GMPS: variants seen among roughly 807,000 people sequenced by gnomAD.
The protein encoded by GMPS is GMP synthase [glutamine-hydrolyzing].
Under a neutral mutation model 77.9 loss-of-function variants are expected in GMPS, and 15 were observed. The observed-to-expected ratio is 0.19, with a 90% CI of 0.13 to 0.30. GMPS has a LOEUF of 0.30. GMPS is among the 10% of genes least tolerant of loss of function. GMPS has a pLI of 1.00. For synonymous variants in GMPS, 224 were observed against 275.9 expected (o/e 0.81, Z 1.86); for missense variants, 590 against 838.8 (o/e 0.70, Z 3.66).
Position 155,870,865 on chromosome 3 carries a change from G to A in GMPS, c.-6G>A, listed in dbSNP as rs1369849732. The A allele has an allele frequency of 2.0e-6, 3 of 1,505,498 alleles. No homozygotes were observed. Among genetic ancestry groups the A allele is most frequent in the Non-Finnish European group, 2.7e-6 (3 of 1,130,370 alleles). The allele number at this position is 1,505,498 out of a possible 1,614,324, so 93.3% of individuals were successfully genotyped here. A position where few individuals can be genotyped will look rare whatever the true frequency, so the allele number is the denominator to read the frequency against. The stretch of plus-strand genomic sequence containing the variant: ...CGTCACCGCCGCGGCTCCGGCCCTG[G>A]CCCCGATGGCTCTGTGCAACGGAGA... On this transcript the variant is annotated 5_prime_UTR_variant, in exon 1 of 16. Coordinates refer to ENST00000496455, the MANE Select transcript of GMPS (RefSeq NM_003875.3).
upstream of GMPS, chr3:155,870,612 C>T: frequency 2.2e-6 from 1 of 454,358 alleles, no homozygotes; most frequent in Non-Finnish European, 3.9e-6. Flanking sequence ...TCTGGCTCCT[C>T]CCAGTGGCCG....
chr3:155,925,296 A>AGCTGATGCAAATTACCAGTCT lies in GMPS; in HGVS notation c.1493_1513dup (p.Leu498_Leu504dup). 6.2e-7 allele frequency: 1 copy of AGCTGATGCAAATTACCAGTCT among 1,611,580 alleles called. No homozygotes were observed. The highest frequency in any genetic ancestry group is 8.5e-7 in the Non-Finnish European group (1 of 1,177,660). ...TGCACAACAGAAGAGGATCAGGAGA[A>AGCTGATGCAAATTACCAGTCT]GCTGATGCAAATTACCAGTCTGCAT... is the stretch of plus-strand genomic sequence containing the variant. On this transcript the variant is annotated inframe_insertion, in exon 12 of 16. Transcript: ENST00000496455.
At chr3:155,899,071 A>C (rs1754669293) in intron 3 of GMPS, among the ~76,000 whole-genome samples, 1 of 151,412 alleles carries the variant, frequency 6.6e-6, no homozygotes, top group Admixed American at 6.6e-5. Flanking sequence ...TCTCTATTAA[A>C]AATAACAAAA....
chr3:155,914,229 A>C (rs1030648134), intron 7 of GMPS, among the ~76,000 whole-genome samples, 190 bp from the exon 8 acceptor site: 9 of 152,154 alleles, frequency 5.9e-5, no homozygotes, highest in Non-Finnish European at 1.2e-4. Flanking sequence ...TATAGGCATG[A>C]GCCACCGGGC....
chr3:155,903,306 C>T (rs1022587678), intron 3 of GMPS, among the ~76,000 whole-genome samples: 5 of 152,120 alleles, frequency 3.3e-5, no homozygotes, highest in Non-Finnish European at 5.9e-5. Flanking sequence ...TGAAATCAGT[C>T]GATAAGCGTA....
chr3:155,927,604 A>G (rs1225172541), intron 12 of GMPS, among the ~76,000 whole-genome samples: 1 of 152,218 alleles, frequency 6.6e-6, no homozygotes, highest in African/African-American at 2.4e-5. Context: ...GCAAGCCCAG[A>G]TAAAAATGAT....
intron 1 of GMPS, among the ~76,000 whole-genome samples, chr3:155,872,820 C>T (rs1280372683): frequency 6.6e-6 from 1 of 152,138 alleles, no homozygotes; most frequent in African/African-American, 2.4e-5. Context: ...TCAAGAGGAA[C>T]ATCTGGAGAA....
At chr3:155,917,417 C>G (rs1330067652) in intron 9 of GMPS, among the ~76,000 whole-genome samples, 1 of 152,208 alleles carries the variant, frequency 6.6e-6, no homozygotes, top group Non-Finnish European at 1.5e-5. Flanking sequence ...GGCCCCCACC[C>G]TCTGGTAACC....
At chr3:155,904,103 C>T in intron 4 of GMPS, 143 bp downstream of exon 4, 2 of 493,872 alleles carry the variant, frequency 4.0e-6, no homozygotes, top group Admixed American at 3.9e-5. Flanking sequence ...GTCATATTTG[C>T]CTTCCAGTTG....
In GMPS at chr3:155,906,665, A is replaced by G. The variant is rs1754903302; in HGVS notation, c.526+402A>G. Among the ~76,000 whole-genome samples the G allele has an allele frequency of 2.0e-5, 3 of 152,156 alleles. No homozygotes were observed. In the South Asian group the frequency reaches 6.2e-4, roughly 32 times the overall value. ...CCCATAGCACCCAAATAAGTACTCAAGACATTTCCCTGAACCAGGGTTGGC... is the reference window on the plus strand; with the variant it reads ...CCCATAGCACCCAAATAAGTACTCAGGACATTTCCCTGAACCAGGGTTGGC... On this transcript the variant is annotated intron_variant, in intron 5 of 15. Coordinates refer to ENST00000496455, the MANE Select transcript of GMPS (RefSeq NM_003875.3).
In GMPS at chr3:155,940,912, G is replaced by GT. The variant is rs1037776243; in HGVS notation, c.*3224dup. On this transcript the variant is annotated 3_prime_UTR_variant, in exon 16 of 16. Coordinates refer to ENST00000496455, the MANE Select transcript of GMPS (RefSeq NM_003875.3). ...TGACACTTGAAAAACACCCATCAAA[G>GT]TTTTCCTGGTAGGAATCTCTCTTTA... The GT allele has an allele frequency of 4.7e-6, 1 of 213,868 alleles. No individual in the cohort carries two copies. The highest frequency in any genetic ancestry group is 2.3e-5 in the African/African-American group (1 of 44,256). 13.2% of individuals were successfully genotyped at this position (213,868 alleles called of 1,614,324 possible).
chr3:155,876,640 G>A (rs1021401346), intron 1 of GMPS, among the ~76,000 whole-genome samples: 13 of 152,170 alleles, frequency 8.5e-5, no homozygotes, highest in African/African-American at 3.1e-4. Flanking sequence ...GGAGAGTCCT[G>A]GGCAGACTGG....
intron 10 of GMPS, among the ~76,000 whole-genome samples, chr3:155,921,087 C>CA (rs542983769): frequency 1.5e-3 from 233 of 152,188 alleles, no homozygotes; most frequent in Non-Finnish European, 1.3e-3. Flanking sequence ...ACTAAAAATA[C>CA]AAAAAATTAG....
At chr3:155,877,610 A>G (rs958106638) in intron 1 of GMPS, among the ~76,000 whole-genome samples, 1 of 152,054 alleles carries the variant, frequency 6.6e-6, no homozygotes, top group East Asian at 1.9e-4. Flanking sequence ...AGATTTGCCA[A>G]TTGTCTTAGT....
chr3:155,936,597 G>T, intron 15 of GMPS, 87 bp downstream of exon 15: 1 of 746,420 alleles, frequency 1.3e-6, no homozygotes, highest in Non-Finnish European at 2.2e-6. Context: ...TGCCAGTGCT[G>T]TATTTCTTAT....
In GMPS at chr3:155,886,063, C is replaced by G. The variant is rs533221864; in HGVS notation, c.28-7455C>G. 2.4e-3 allele frequency among the ~76,000 whole-genome samples: 360 copies of G among 152,130 alleles called. 1 individual carries two copies. The highest frequency in any genetic ancestry group is 8.5e-3 in the African/African-American group (352 of 41,504). On this transcript the variant is annotated intron_variant, in intron 1 of 15. Transcript: ENST00000496455. ...CTCAAACTCCTGGCCTCAAGTGATC[C>G]TCCCATCTCAGCCTCCCAAAGTGCT...
intron 4 of GMPS, among the ~76,000 whole-genome samples, chr3:155,905,593 T>C (rs925634907): frequency 6.6e-6 from 1 of 152,238 alleles, no homozygotes. Context: ...TAGTGTATAC[T>C]TATTTCCAGT....
At chr3:155,878,907 G>A (rs939466857) in intron 1 of GMPS, among the ~76,000 whole-genome samples, 28 of 152,098 alleles carry the variant, frequency 1.8e-4, no homozygotes, top group African/African-American at 6.0e-4. Context: ...GAGGGATGGG[G>A]GGAGGGTGAT....
chr3:155,931,778 C>G lies in GMPS; in HGVS notation c.1574C>G (p.Ser525Cys). Residue 525 changes from serine to cysteine, a missense_variant, in exon 13 of 16, where the codon TCC becomes TGC. Transcript: ENST00000496455. ...KTVGVQGDCR[S>C]YSYVCGISSK... Reference sequence around the variant, plus strand: ...TTTTATTTTCAGGGTGACTGTCGTTCCTACAGTTACGTGTGTGGAATCTCC... The same window carrying G: ...TTTTATTTTCAGGGTGACTGTCGTTGCTACAGTTACGTGTGTGGAATCTCC... 1 of 1,484,058 alleles carries G rather than the reference C, an allele frequency of 6.7e-7. No homozygotes were observed. The highest frequency in any genetic ancestry group is 9.4e-7 in the Non-Finnish European group (1 of 1,064,974). The allele number at this position is 1,484,058 out of a possible 1,614,324, so 91.9% of individuals were successfully genotyped here.
Sources: allele counts gnomAD v4.1 joint callset (sites outside exome capture counted in the v4.1 genomes callset), GRCh38; gene constraint gnomAD v4.1.1; transcripts MANE v1.5; gene names NCBI Gene and HGNC (gene_info 2026-07-23, HGNC 2026-07-21).